Variants in CASK observed in about 807,000 individuals in gnomAD.
CASK encodes the protein peripheral plasma membrane protein CASK.
CASK carries 4 observed loss-of-function variants against 82.9 expected under a neutral mutation model. The observed-to-expected ratio is 0.05, with a 90% CI of 0.02 to 0.11. CASK has a LOEUF of 0.11. Ranked by LOEUF, CASK falls within the 10% of genes least tolerant of loss-of-function variation. The pLI is 1.00. For missense variants in CASK, 358 were observed against 720.9 expected, an observed-to-expected ratio of 0.50 and a Z score of 5.76; for synonymous variants, 259 against 253.5, an observed-to-expected ratio of 1.02 and a Z score of -0.20.
At chrX:41,691,942 G>T (rs1348608227) in intron 5 of CASK, among the ~76,000 whole-genome samples, 1 of 108,574 alleles carries the variant, frequency 9.2e-6, no homozygotes, top group Non-Finnish European at 1.9e-5. Flanking sequence ...TTAGAGACAG[G>T]TTCATGCTAT....
chrX:41,793,387 G>A (rs1221800543), intron 2 of CASK, among the ~76,000 whole-genome samples: 1 of 111,661 alleles, frequency 9.0e-6, no homozygotes, highest in African/African-American at 3.3e-5. Context: ...TCCTGGGTCT[G>A]CATAGTTTTT....
chrX:41,636,709 G>A, intron 8 of CASK, 48 bp from the exon 9 acceptor site: 1 of 796,420 alleles, frequency 1.3e-6, no homozygotes, highest in Non-Finnish European at 1.9e-6. Context: ...TTAAAAAAGT[G>A]CAGAAGCTTA....
intron 3 of CASK, among the ~76,000 whole-genome samples, chrX:41,761,232 C>T (rs907894929): frequency 6.3e-5 from 7 of 111,159 alleles, no homozygotes; most frequent in African/African-American, 2.0e-4. Context: ...TCCTTCTAGT[C>T]GCTTGTGGAA....
chrX:41,589,469 G>T (rs1456671959), intron 13 of CASK, 46 bp downstream of exon 13: 1 of 924,799 alleles, frequency 1.1e-6, no homozygotes, highest in East Asian at 3.1e-5. Context: ...CAATAAAGGT[G>T]GCAAATATGA....
intron 2 of CASK, among the ~76,000 whole-genome samples, chrX:41,802,189 T>C (rs1406687599): frequency 9.0e-6 from 1 of 111,118 alleles, no homozygotes; most frequent in Non-Finnish European, 1.9e-5. Context: ...TATACTACTT[T>C]GAGATAGATA....
chrX:41,808,975 C>T (rs1056280327), intron 2 of CASK, among the ~76,000 whole-genome samples: 3 of 112,564 alleles, frequency 2.7e-5, no homozygotes, highest in African/African-American at 6.5e-5. Context: ...CCCACACCCA[C>T]GGAGCCTCAC....
chrX:41,660,010 A>C (rs769968883), intron 8 of CASK: 422 of 146,296 alleles, frequency 2.9e-3, no homozygotes, highest in African/African-American at 0.013. Context: ...AAAAAAAAAA[A>C]AAAACCTGCC....
intron 24 of CASK, among the ~76,000 whole-genome samples, chrX:41,534,429 A>G (rs1198184881): frequency 5.6e-5 from 6 of 106,763 alleles, no homozygotes; most frequent in African/African-American, 2.2e-4. Context: ...ACACACACAC[A>G]CACACTTTAT....
chrX:41,729,343 G>A (rs1330913801), intron 5 of CASK: 2 of 122,859 alleles, frequency 1.6e-5, no homozygotes, highest in Non-Finnish European at 3.8e-5. Context: ...AGCACTTGCT[G>A]TTTGCCAAGC....
At chrX:41,782,302 T>TA (rs767284223) in intron 3 of CASK, among the ~76,000 whole-genome samples, 1 of 111,640 alleles carries the variant, frequency 9.0e-6, no homozygotes, top group Non-Finnish European at 1.9e-5. Flanking sequence ...ATTACACTGT[T>TA]AAAAAAGAAA....
chrX:41,897,951 T>C (rs2072299646), intron 1 of CASK, among the ~76,000 whole-genome samples: 1 of 112,123 alleles, frequency 8.9e-6, no homozygotes, highest in African/African-American at 3.2e-5. Context: ...TGTACTGTCC[T>C]TGTCTAGCTT....
chrX:41,866,182 C>A (rs2071588622), intron 1 of CASK, among the ~76,000 whole-genome samples: 2 of 112,658 alleles, frequency 1.8e-5, no homozygotes, highest in African/African-American at 6.4e-5. Context: ...GGTGGGAGGG[C>A]CAGGGGCTTT....
At chrX:41,770,295 T>TCTATCTACCTAC (rs201602205) in intron 3 of CASK, among the ~76,000 whole-genome samples, 3 of 93,136 alleles carry the variant, frequency 3.2e-5, no homozygotes, top group Admixed American at 2.4e-4. Flanking sequence ...TATCTATCTA[T>TCTATCTACCTAC]CTACCTACCT....
intron 5 of CASK, among the ~76,000 whole-genome samples, chrX:41,687,457 G>C (rs899182626): frequency 5.4e-5 from 6 of 111,951 alleles, no homozygotes; most frequent in African/African-American, 1.9e-4. Context: ...GTCACAAAAG[G>C]ACAAATACTG....
chrX:41,574,890 T>C (rs1172391096), intron 15 of CASK, among the ~76,000 whole-genome samples: 3 of 112,392 alleles, frequency 2.7e-5, no homozygotes, highest in Non-Finnish European at 5.6e-5. Flanking sequence ...ACTATAACTT[T>C]GCATTGTTCC....
intron 5 of CASK, among the ~76,000 whole-genome samples, chrX:41,680,690 G>A (rs1465604741): frequency 2.7e-5 from 3 of 109,811 alleles, no homozygotes; most frequent in Middle Eastern, 4.6e-3. Flanking sequence ...AGGCCGAGGC[G>A]GGAGGATCAC....
intron 3 of CASK, among the ~76,000 whole-genome samples, chrX:41,748,911 T>C (rs1447626215): frequency 8.9e-6 from 1 of 112,310 alleles, no homozygotes; most frequent in Admixed American, 9.4e-5. Context: ...TCTCTACACA[T>C]GTGCATACAC....
At chrX:41,757,251 G>A (rs998288750) in intron 3 of CASK, among the ~76,000 whole-genome samples, 5 of 110,690 alleles carry the variant, frequency 4.5e-5, no homozygotes, top group Non-Finnish European at 9.5e-5. Flanking sequence ...CTTTGTTTGT[G>A]GTACTGTTTT....
chrX:41,830,811 C>CTACA (rs1281957762), intron 2 of CASK, among the ~76,000 whole-genome samples: 1 of 83,446 alleles, frequency 1.2e-5, no homozygotes, highest in Non-Finnish European at 2.3e-5. Flanking sequence ...CAGAGCGAGA[C>CTACA]TCTGCCAAAA....
Sources: allele counts gnomAD v4.1 joint callset (sites outside exome capture counted in the v4.1 genomes callset), GRCh38; gene constraint gnomAD v4.1.1; transcripts MANE v1.5; gene names NCBI Gene and HGNC (gene_info 2026-07-23, HGNC 2026-07-21).